Variants in ZC3H7B observed in about 807,000 individuals in gnomAD.
ZC3H7B encodes zinc finger CCCH domain-containing protein 7B.
In ZC3H7B, 35 loss-of-function variants were observed where a neutral mutation model predicts 116.0. The ratio of observed to expected loss-of-function variants is 0.30; its 90% CI spans 0.23 to 0.40. The LOEUF (loss-of-function observed/expected upper bound fraction) is 0.40, where lower values mean the gene tolerates loss of function less well. ZC3H7B is among the 10% of genes least tolerant of loss of function. ZC3H7B has a pLI of 1.00. For synonymous variants in ZC3H7B, 502 were observed against 545.6 expected (o/e 0.92, Z 1.11); for missense variants, 1,011 against 1,321.5 (o/e 0.77, Z 3.64).
At position 41,356,762 on chromosome 22, in the gene ZC3H7B, G is replaced by A. The variant is rs748889337; in HGVS notation, c.2635G>A (p.Gly879Ser). The stretch of plus-strand genomic sequence containing the variant: ...CTTCACGTCCGACAGTGACGCCAGC[G>A]GCTGGGCCTTCCGCTTCCCCATGGG... ...KVFTSDSDAS[G>S]WAFRFPMGEF... is the part of the protein sequence containing the mutation. The change falls in exon 22 of 23, where the codon GGC becomes AGC. Residue 879 changes from glycine (G) to serine (S), a missense_variant. Physicochemically the swap from Gly to Ser is moderately conservative, Grantham distance 56. Around this residue, in one of 5 missense-constraint regions of ZC3H7B, gnomAD observed 406 missense variants for 590.2 expected, o/e 0.69. Transcript: ENST00000352645. 12 of 1,613,498 alleles carry A rather than the reference G, an allele frequency of 7.4e-6. No individual in the cohort carries two copies. The highest frequency in any genetic ancestry group is 3.3e-5 in the Admixed American group (2 of 60,000).
At position 41,338,452 on chromosome 22, in the gene ZC3H7B, G is replaced by A. The variant is rs1601784261; in HGVS notation, c.625+97G>A. 1.9e-5 allele frequency: 26 copies of A among 1,340,524 alleles called. No homozygotes were observed. The highest frequency in any genetic ancestry group is 2.5e-5 in the Non-Finnish European group (24 of 957,388). The allele number at this position is 1,340,524 out of a possible 1,614,324, so 83.0% of individuals were successfully genotyped here. A position where few individuals can be genotyped will look rare whatever the true frequency, so the allele number is the denominator to read the frequency against. ...CCATCCCAGCCCTGTAGATGGGAGG[G>A]CCTCCGAGGGGTTCCCCACCCTGGT... On this transcript the variant is annotated intron_variant, in intron 8 of 22. Transcript: ENST00000352645. The surrounding 1 kb of genome is among the most constrained non-coding windows in gnomAD (Gnocchi z 4.5).
chr22:41,351,224 A>G lies in ZC3H7B; in HGVS notation c.1949-337A>G, dbSNP rs949695527. ...AGCCCTGTTGAGGGAGATGGGGGTC[A>G]GGGAAGGGTGCTGAGTCACCGGCCC... On this transcript the variant is annotated intron_variant, in intron 16 of 22. Transcript: ENST00000352645. This position sits in a 1 kb window ranked among gnomAD's most constrained non-coding sequence, Gnocchi z 5.1. Among the ~76,000 whole-genome samples the G allele has an allele frequency of 2.6e-5, 4 of 152,166 alleles. No individual in the cohort carries two copies.
At chr22:41,345,960 T>G (rs756504820) in intron 13 of ZC3H7B, 43 bp from the exon 14 acceptor site, 2 of 1,605,624 alleles carry the variant, frequency 1.2e-6, no homozygotes, top group Admixed American at 3.3e-5. Flanking sequence ...TGCGGGCTGC[T>G]ATCCCCGCCT....
intron 10 of ZC3H7B, 100 bp from the exon 11 acceptor site, chr22:41,340,988 G>T: frequency 8.6e-7 from 1 of 1,160,488 alleles, no homozygotes; most frequent in Middle Eastern, 2.0e-4. Flanking sequence ...GTGTGGCCTG[G>T]GGGCTTCTCC....
chr22:41,320,061 A>G (rs1247262872), intron 1 of ZC3H7B, among the ~76,000 whole-genome samples: 1 of 150,396 alleles, frequency 6.6e-6, no homozygotes, highest in Non-Finnish European at 1.5e-5. Context: ...GGCCGGGCAT[A>G]GTGACTCATG....
intron 1 of ZC3H7B, among the ~76,000 whole-genome samples, chr22:41,307,411 T>C (rs1470483350): frequency 1.3e-5 from 2 of 152,164 alleles, no homozygotes; most frequent in East Asian, 1.9e-4. Context: ...GGCATGTTGG[T>C]TGTGTTGGTG....
At chr22:41,356,145 G>C (rs1184709035) in intron 20 of ZC3H7B, 83 bp downstream of exon 20, 4 of 1,446,296 alleles carry the variant, frequency 2.8e-6, no homozygotes, top group Non-Finnish European at 3.7e-6. Flanking sequence ...GGGCCCAAGA[G>C]CGTCCACTGC....
At position 41,333,072 on chromosome 22, in the gene ZC3H7B, C is replaced by G. The variant is rs577096408; in HGVS notation, c.582+845C>G. 1,006 of 152,360 alleles carry G rather than the reference C, an allele frequency of 6.6e-3. 3 individuals are homozygous for G. Among genetic ancestry groups the G allele is most frequent in the Non-Finnish European group, 0.01 (698 of 68,096 alleles). The allele number at this position is 152,360 out of a possible 1,614,324, so 9.4% of individuals were successfully genotyped here. A position where few individuals can be genotyped will look rare whatever the true frequency, so the allele number is the denominator to read the frequency against. ...ATGGGCTATAAGAGCACTGATGGAGCCTGGGGTCCTGCCACCTTGTACATT... is the reference window on the plus strand; with the variant it reads ...ATGGGCTATAAGAGCACTGATGGAGGCTGGGGTCCTGCCACCTTGTACATT... On this transcript the variant is annotated intron_variant, in intron 7 of 22. Transcript: ENST00000352645.
chr22:41,337,801 C>T (rs907743437), intron 7 of ZC3H7B, among the ~76,000 whole-genome samples: 28 of 152,142 alleles, frequency 1.8e-4, no homozygotes, highest in African/African-American at 6.3e-4. Flanking sequence ...AGCCCATGCC[C>T]CCACCTGCTG....
intron 7 of ZC3H7B, chr22:41,335,876 C>T (rs569199544): frequency 3.3e-5 from 5 of 153,048 alleles, no homozygotes; most frequent in East Asian, 1.9e-4. Context: ...GATGATACCT[C>T]GCAGGGCGCC....
At position 41,346,020 on chromosome 22, in the gene ZC3H7B, G is replaced by A. The variant is rs374299866; in HGVS notation, c.1477G>A (p.Asp493Asn). 8.1e-6 allele frequency: 13 copies of A among 1,614,014 alleles called. No homozygotes were observed. The highest frequency in any genetic ancestry group is 2.7e-5 in the African/African-American group (2 of 74,922). Residue 493 changes from aspartate to asparagine, a missense_variant, in exon 14 of 23, where the codon GAC becomes AAC. Physicochemically the swap from Asp to Asn is conservative, Grantham distance 23 (BLOSUM62 1). Coordinates refer to ENST00000352645, the MANE Select transcript of ZC3H7B (RefSeq NM_017590.6). The surrounding 1 kb of genome is among the most constrained non-coding windows in gnomAD (Gnocchi z 5.3). ...CTTTGCAGACATGATTAACAAGCAG[G>A]ACTGTAAGTACGGGGATAACTGCAC... Reference protein sequence around the residue: ...YLCKDMINKQDCKYGDNCTFA... With the variant: ...YLCKDMINKQNCKYGDNCTFA...
intron 2 of ZC3H7B, among the ~76,000 whole-genome samples, chr22:41,324,560 T>C (rs937518010): frequency 3.3e-5 from 5 of 152,234 alleles, no homozygotes; most frequent in African/African-American, 9.6e-5. Context: ...AGCCTGGCCA[T>C]TGAGCCCATT....
At chr22:41,355,149 G>A (rs117934233) in intron 17 of ZC3H7B, among the ~76,000 whole-genome samples, 1,695 of 152,292 alleles carry the variant, frequency 0.011, 28 homozygotes, top group Middle Eastern at 0.014. Context: ...GAAGGGCAGC[G>A]GGAACAGCCT....
At chr22:41,306,486 G>T (rs1472387362) in intron 1 of ZC3H7B, among the ~76,000 whole-genome samples, 2 of 150,412 alleles carry the variant, frequency 1.3e-5, no homozygotes, top group African/African-American at 4.9e-5. Context: ...TGATCCTCCT[G>T]CCTCAGCCTC....
At chr22:41,332,075 G>C in intron 6 of ZC3H7B, 96 bp from the exon 7 acceptor site, 1 of 1,377,842 alleles carries the variant, frequency 7.3e-7, no homozygotes, top group South Asian at 1.2e-5. Context: ...GACCCCAGCT[G>C]CTTGTGTCAG....
At position 41,357,095 on chromosome 22, in the gene ZC3H7B, A is replaced by G. The variant is rs1011971443; in HGVS notation, c.2682-82A>G. 6.5e-7 allele frequency: 1 copy of G among 1,548,642 alleles called. No homozygotes were observed. The highest frequency in any genetic ancestry group is 2.3e-5 in the East Asian group (1 of 43,234). On this transcript the variant is annotated intron_variant, in intron 22 of 22. Transcript: ENST00000352645. This position sits in a 1 kb window ranked among gnomAD's most constrained non-coding sequence, Gnocchi z 5.4. ...CCCAGGGAGAGGCTTGTCTTCGGGG[A>G]GGTCAAGCGGCCGGCCCCAGATGGA...
intron 17 of ZC3H7B, among the ~76,000 whole-genome samples, chr22:41,353,708 C>T (rs751667659): frequency 1.2e-4 from 19 of 152,188 alleles, no homozygotes; most frequent in Non-Finnish European, 2.5e-4. Flanking sequence ...GGCAGGCTGC[C>T]GGGGGGTCCC....
At chr22:41,319,255 G>C (rs1231610171) in intron 1 of ZC3H7B, among the ~76,000 whole-genome samples, 1 of 152,166 alleles carries the variant, frequency 6.6e-6, no homozygotes, top group Non-Finnish European at 1.5e-5. Context: ...CAAAAAATTA[G>C]CTAGGCATGG....
rs568843515 is a variant in ZC3H7B, at chr22:41,320,862, G to C, written c.53+149G>C. The C allele has an allele frequency of 4.8e-6, 5 of 1,032,548 alleles. No individual in the cohort carries two copies. In the South Asian group the frequency reaches 7.1e-5, roughly 15 times the overall value. The allele number at this position is 1,032,548 out of a possible 1,614,324, so 64.0% of individuals were successfully genotyped here. A position where few individuals can be genotyped will look rare whatever the true frequency, so the allele number is the denominator to read the frequency against. ...GCTGGGGTGCGGGCAGGTGGGAGGA[G>C]CCAGGAAGGGGCTGGTGTGGCTGTG... is the stretch of plus-strand genomic sequence containing the variant. On this transcript the variant is annotated intron_variant, in intron 2 of 22. Coordinates refer to ENST00000352645, the MANE Select transcript of ZC3H7B (RefSeq NM_017590.6).
Sources: allele counts gnomAD v4.1 joint callset (sites outside exome capture counted in the v4.1 genomes callset), GRCh38; gene constraint gnomAD v4.1.1; regional missense constraint gnomAD v4.1.1; non-coding constraint Gnocchi (gnomAD v3.1); transcripts MANE v1.5; gene names NCBI Gene and HGNC (gene_info 2026-07-23, HGNC 2026-07-21).